Variants in CFAP299 observed in about 807,000 individuals in gnomAD.
CFAP299 encodes the protein cilia- and flagella-associated protein 299.
Under a neutral mutation model 27.0 loss-of-function variants are expected in CFAP299, and 21 were observed. The observed-to-expected ratio is 0.78, with a 90% CI of 0.55 to 1.12. The LOEUF is 1.12. Among genes scored for constraint, CFAP299 ranks in the 50% most tolerant of loss-of-function variants. CFAP299 has a pLI of 0.00. For missense variants in CFAP299, 310 were observed against 276.6 expected (o/e 1.12, Z -0.86); for synonymous variants, 104 against 98.1 (o/e 1.06, Z -0.36).
chr4:80,809,634 A>G (rs1278709156), intron 3 of CFAP299, among the ~76,000 whole-genome samples: 1 of 152,092 alleles, frequency 6.6e-6, no homozygotes, highest in African/African-American at 2.4e-5. Flanking sequence ...ACATTCTTCA[A>G]TATATTCTGA....
intron 2 of CFAP299, among the ~76,000 whole-genome samples, chr4:80,451,531 A>G (rs1448331538): frequency 1.3e-5 from 2 of 152,214 alleles, no homozygotes; most frequent in Admixed American, 1.3e-4. Context: ...AGATTTTTAT[A>G]TTATTCAGTA....
rs970157925 is a variant in CFAP299, at chr4:80,469,554, A to G, written c.242+106670A>G. On this transcript the variant is annotated intron_variant, in intron 2 of 5. Transcript: ENST00000358105. ...AATTATTATAGTATTGACAAAAACT[A>G]ACAATATATAGAAGGATGCCAGGTT... is the stretch of plus-strand genomic sequence containing the variant. 5.0e-4 allele frequency among the ~76,000 whole-genome samples: 76 copies of G among 152,306 alleles called. 1 individual carries two copies. The highest frequency in any genetic ancestry group is 1.8e-3 in the African/African-American group (73 of 41,574).
At chr4:80,355,777 T>C (rs1411840432) in intron 1 of CFAP299, among the ~76,000 whole-genome samples, 2 of 152,214 alleles carry the variant, frequency 1.3e-5, no homozygotes, top group African/African-American at 4.8e-5. Context: ...TTTTCTCCCA[T>C]TCTATAGGTT....
At position 80,728,708 on chromosome 4, in the gene CFAP299, A is replaced by G. The variant is rs1432776193; in HGVS notation, c.334-141285A>G. On this transcript the variant is annotated intron_variant, in intron 3 of 5. Coordinates refer to ENST00000358105, the MANE Select transcript of CFAP299 (RefSeq NM_152770.3). Reference sequence around the variant, plus strand: ...TTTTCTCACTGTCTTTCCTGCCTCTATCTTAGTTCCTGCATTAGTCCCCAA... The same window carrying G: ...TTTTCTCACTGTCTTTCCTGCCTCTGTCTTAGTTCCTGCATTAGTCCCCAA... Among the ~76,000 whole-genome samples, 3 of 152,118 alleles carry G rather than the reference A, an allele frequency of 2.0e-5. No homozygotes were observed. The East Asian group carries it at 5.8e-4, about 29-fold the overall frequency.
At chr4:80,447,140 T>TG (rs1560571668) in intron 2 of CFAP299, among the ~76,000 whole-genome samples, 16 of 126,540 alleles carry the variant, frequency 1.3e-4, no homozygotes, top group African/African-American at 3.9e-4. Flanking sequence ...GTTTTTTTTT[T>TG]TTTTTTTTTT....
chr4:80,654,203 C>A (rs1222744886), intron 3 of CFAP299, among the ~76,000 whole-genome samples: 1 of 152,056 alleles, frequency 6.6e-6, no homozygotes, highest in Non-Finnish European at 1.5e-5. Flanking sequence ...TTTTACAAAT[C>A]TTTGTGTCTT....
intron 2 of CFAP299, among the ~76,000 whole-genome samples, chr4:80,490,089 A>G (rs1340367999): frequency 6.6e-6 from 1 of 152,222 alleles, no homozygotes. Context: ...GTGACCAGCC[A>G]GCTGCTTCAG....
At chr4:80,575,275 A>G (rs528384690) in intron 2 of CFAP299, among the ~76,000 whole-genome samples, 1 of 151,916 alleles carries the variant, frequency 6.6e-6, no homozygotes, top group Non-Finnish European at 1.5e-5. Context: ...GCCTCTAATA[A>G]TCCTTTGAAT....
intron 1 of CFAP299, among the ~76,000 whole-genome samples, chr4:80,350,998 G>A (rs1307676304): frequency 6.6e-6 from 1 of 151,888 alleles, no homozygotes; most frequent in Non-Finnish European, 1.5e-5. Flanking sequence ...AAAAATGAAC[G>A]GCATCTTTAA....
chr4:80,895,889 G>A (rs1560467030), intron 4 of CFAP299, among the ~76,000 whole-genome samples: 1 of 152,086 alleles, frequency 6.6e-6, no homozygotes, highest in Non-Finnish European at 1.5e-5. Flanking sequence ...TCACTCGGAT[G>A]AATGAGGAAG....
At chr4:80,905,911 G>C (rs997670704) in intron 4 of CFAP299, among the ~76,000 whole-genome samples, 3 of 151,988 alleles carry the variant, frequency 2.0e-5, no homozygotes, top group Non-Finnish European at 4.4e-5. Context: ...TTCCACCCTT[G>C]GCCCCTTCCA....
intron 1 of CFAP299, chr4:80,336,657 G>C (rs533804520): frequency 6.6e-6 from 1 of 152,366 alleles, no homozygotes; most frequent in African/African-American, 2.4e-5. Flanking sequence ...AGTCATCAGT[G>C]CTAGGAAGCT....
intron 2 of CFAP299, among the ~76,000 whole-genome samples, chr4:80,579,560 G>A (rs1016879858): frequency 2.6e-5 from 4 of 152,050 alleles, no homozygotes; most frequent in African/African-American, 9.7e-5. Context: ...AGAGAGTCAC[G>A]CTTAGCAAAA....
intron 3 of CFAP299, among the ~76,000 whole-genome samples, chr4:80,600,329 G>T (rs1737268948): frequency 6.6e-6 from 1 of 151,986 alleles, no homozygotes; most frequent in South Asian, 2.1e-4. Flanking sequence ...TTACCCTTTT[G>T]CTAAATCCTG....
chr4:80,593,532 C>T (rs919773596), intron 3 of CFAP299, among the ~76,000 whole-genome samples: 20 of 152,034 alleles, frequency 1.3e-4, no homozygotes, highest in African/African-American at 4.1e-4. Flanking sequence ...TATAGTATCC[C>T]CTTATCATTT....
At chr4:80,907,536 G>A (rs539162845) in intron 4 of CFAP299, among the ~76,000 whole-genome samples, 1 of 152,238 alleles carries the variant, frequency 6.6e-6, no homozygotes, top group Admixed American at 6.5e-5. Flanking sequence ...AGTCCTGCAG[G>A]GCTGAGGAGG....
At chr4:80,897,651 G>A (rs1438345627) in intron 4 of CFAP299, among the ~76,000 whole-genome samples, 1 of 152,082 alleles carries the variant, frequency 6.6e-6, no homozygotes, top group East Asian at 1.9e-4. Context: ...CTACCACTGT[G>A]GACAGCTCCA....
intron 2 of CFAP299, among the ~76,000 whole-genome samples, chr4:80,545,222 G>A (rs561393800): frequency 6.6e-6 from 1 of 152,210 alleles, no homozygotes; most frequent in African/African-American, 2.4e-5. Context: ...AAAGTTTACA[G>A]CACTAAACAC....
chr4:80,335,847 C>G lies in CFAP299; in HGVS notation c.79C>G (p.Gln27Glu). The change falls in exon 1 of 6, where the codon CAG (glutamine) becomes GAG (glutamate). Residue 27 changes from glutamine to glutamate, a missense_variant. Physicochemically the swap from Gln to Glu is conservative, Grantham distance 29. Transcript: ENST00000358105. ...CGCCTATGAAGATTTCCTGGACTCG[C>G]AGATCACTACTGTGGACTTGTACTA... ...FNAYEDFLDS[Q>E]ITTVDLYYLE... The G allele has an allele frequency of 6.2e-7, 1 of 1,612,846 alleles. No homozygotes were observed. The highest frequency in any genetic ancestry group is 1.1e-5 in the South Asian group (1 of 91,066).
Sources: gnomAD v4.1 joint callset for allele counts (sites outside exome capture counted in the v4.1 genomes callset) on GRCh38, gnomAD v4.1.1 for gene constraint, MANE v1.5 for transcripts, NCBI Gene and HGNC (gene_info 2026-07-23, HGNC 2026-07-21) for gene names.